Variants in BNC2 observed in about 807,000 individuals in gnomAD.
BNC2 encodes zinc finger protein basonuclin-2.
Under a neutral mutation model 76.3 loss-of-function variants are expected in BNC2, and 20 were observed. The ratio of observed to expected loss-of-function variants is 0.26; its 90% confidence interval spans 0.18 to 0.38. The LOEUF (loss-of-function observed/expected upper bound fraction) is 0.38. BNC2 is among the 10% of genes least tolerant of loss of function. The pLI is 1.00. For missense variants in BNC2, 1,382 were observed against 1,399.8 expected, an observed-to-expected ratio of 0.99 and a Z score of 0.20; for synonymous variants, 582 against 514.8, an observed-to-expected ratio of 1.13 and a Z score of -1.77.
intron 5 of BNC2, among the ~76,000 whole-genome samples, chr9:16,530,118 T>C (rs1817930436): frequency 6.6e-6 from 1 of 152,032 alleles, no homozygotes; most frequent in South Asian, 2.1e-4. Flanking sequence ...CCTCCCAAAG[T>C]GCATGAGCCA....
chr9:16,567,224 T>C (rs1241186385), intron 4 of BNC2, among the ~76,000 whole-genome samples: 1 of 150,664 alleles, frequency 6.6e-6, no homozygotes, highest in African/African-American at 2.5e-5. Flanking sequence ...AGAATTGCCA[T>C]AAGGACAACA....
At chr9:16,685,038 C>G (rs1025145127) in intron 3 of BNC2, among the ~76,000 whole-genome samples, 4 of 152,176 alleles carry the variant, frequency 2.6e-5, no homozygotes, top group Non-Finnish European at 4.4e-5. Flanking sequence ...TGCTGTTCTC[C>G]TGAGCCGGGA....
intron 5 of BNC2, among the ~76,000 whole-genome samples, chr9:16,491,607 GA>G (rs1822282203): frequency 6.6e-6 from 1 of 152,144 alleles, no homozygotes; most frequent in African/African-American, 2.4e-5. Context: ...AGAAAACAGT[GA>G]ATTTAGTTTG....
intron 3 of BNC2, among the ~76,000 whole-genome samples, chr9:16,657,563 A>G (rs148357677): frequency 6.6e-6 from 1 of 152,130 alleles, no homozygotes; most frequent in Non-Finnish European, 1.5e-5. Context: ...GGAAGTTGAG[A>G]GAAAGGGACT....
intron 3 of BNC2, among the ~76,000 whole-genome samples, chr9:16,684,175 C>A (rs1032156345): frequency 6.6e-5 from 10 of 152,106 alleles, no homozygotes; most frequent in African/African-American, 2.4e-4. Flanking sequence ...AGATTTCCAA[C>A]AATCACCCAT....
intron 5 of BNC2, among the ~76,000 whole-genome samples, chr9:16,459,231 C>T (rs1413907803): frequency 6.6e-6 from 1 of 152,184 alleles, no homozygotes; most frequent in Non-Finnish European, 1.5e-5. Context: ...ATCACGTTCT[C>T]CTATAGCATG....
intron 1 of BNC2, among the ~76,000 whole-genome samples, chr9:16,820,122 C>CAAAAAAAAA (rs11387388): frequency 4.9e-5 from 4 of 81,788 alleles, no homozygotes; most frequent in Non-Finnish European, 8.5e-5. Flanking sequence ...GAGACTGTCT[C>CAAAAAAAAA]AAAAAAAAAA....
rs765171685 is a variant in BNC2 at position 16,727,892 on chromosome 9, T to G, written c.235A>C (p.Met79Leu). The change falls in exon 3 of 7, where the codon ATG (methionine) becomes CTG (leucine). Residue 79 changes from methionine (M) to leucine (L), a missense_variant. Transcript: ENST00000380672. The part of the protein sequence containing the change: ...TLRDSCTDNS[M>L]QFGTRTTTAE... ...GTAGTCGTTCTGGTTCCGAACTGCA[T>G]GGAGTTGTCAGTACAGGAGTCTCTT... is the stretch of plus-strand genomic sequence containing the variant. The G allele has an allele frequency of 6.2e-7, 1 of 1,614,186 alleles. No individual in the cohort carries two copies.
At chr9:16,509,669 CA>C (rs1449662694) in intron 5 of BNC2, among the ~76,000 whole-genome samples, 2 of 152,246 alleles carry the variant, frequency 1.3e-5, no homozygotes, top group East Asian at 3.9e-4. Flanking sequence ...AGTTCCATAC[CA>C]AAGTATAAGG....
At chr9:16,486,711 TG>T (rs1398714616) in intron 5 of BNC2, among the ~76,000 whole-genome samples, 1 of 152,124 alleles carries the variant, frequency 6.6e-6, no homozygotes, top group Non-Finnish European at 1.5e-5. Context: ...TGTAGCAATT[TG>T]GGAGATTCAC....
chr9:16,835,852 C>A (rs1265403280), intron 1 of BNC2, among the ~76,000 whole-genome samples: 2 of 152,158 alleles, frequency 1.3e-5, no homozygotes, highest in Admixed American at 6.5e-5. Flanking sequence ...GAAGAATTGG[C>A]GTCTAAAGTT....
In BNC2 at chr9:16,416,378, C is replaced by T. The variant is rs566590828; in HGVS notation, c.*2611G>A. On this transcript the variant is annotated 3_prime_UTR_variant, in exon 7 of 7. Coordinates refer to ENST00000380672, the MANE Select transcript of BNC2 (RefSeq NM_017637.6). The stretch of plus-strand genomic sequence containing the variant: ...ATTTGGTAATGGGGCAACAGCACAA[C>T]ACAGAGAACGCTGAGAGGACCAAAA... 2 of 152,698 alleles carry T rather than the reference C, an allele frequency of 1.3e-5. No homozygotes were observed. Among genetic ancestry groups the T allele is most frequent in the African/African-American group, 4.8e-5 (2 of 41,560 alleles). 9.5% of individuals were successfully genotyped at this position (152,698 alleles called of 1,614,324 possible).
At chr9:16,510,550 T>C (rs1458414803) in intron 5 of BNC2, among the ~76,000 whole-genome samples, 1 of 152,238 alleles carries the variant, frequency 6.6e-6, no homozygotes, top group East Asian at 1.9e-4. Flanking sequence ...AGCTACATGC[T>C]GTATATATTT....
At chr9:16,546,447 C>T (rs371081886) in intron 5 of BNC2, among the ~76,000 whole-genome samples, 1 of 152,124 alleles carries the variant, frequency 6.6e-6, no homozygotes, top group African/African-American at 2.4e-5. Flanking sequence ...CATGGTATAG[C>T]TGAAATCTTA....
At chr9:16,678,264 TTTC>T (rs1822714285) in intron 3 of BNC2, among the ~76,000 whole-genome samples, 7 of 135,836 alleles carry the variant, frequency 5.2e-5, no homozygotes, top group Admixed American at 3.1e-4. Flanking sequence ...TTTCTTTCTT[TTTC>T]TTTTTTTTTT....
chr9:16,420,179 C>G (rs1284442938), intron 6 of BNC2, among the ~76,000 whole-genome samples: 1 of 151,994 alleles, frequency 6.6e-6, no homozygotes, highest in Non-Finnish European at 1.5e-5. Flanking sequence ...TTAGATATAA[C>G]TTCAAAAAAT....
intron 3 of BNC2, among the ~76,000 whole-genome samples, chr9:16,678,416 C>A (rs187956917): frequency 3.0e-4 from 46 of 151,110 alleles, no homozygotes; most frequent in African/African-American, 1.1e-3. Flanking sequence ...TACAGGCACA[C>A]GCCACCATGC....
At chr9:16,516,232 GGTTT>G (rs1168725457) in intron 5 of BNC2, among the ~76,000 whole-genome samples, 6 of 151,966 alleles carry the variant, frequency 3.9e-5, no homozygotes, top group African/African-American at 7.3e-5. Context: ...TGTTGTTCTT[GGTTT>G]GTTTGTTTTT....
intron 3 of BNC2, among the ~76,000 whole-genome samples, chr9:16,587,145 T>C (rs954018433): frequency 1.3e-5 from 2 of 151,294 alleles, no homozygotes; most frequent in Non-Finnish European, 2.9e-5. Context: ...AATCAACTAG[T>C]AAAGTCACAG....
Sources: gnomAD v4.1 joint callset for allele counts (sites outside exome capture counted in the v4.1 genomes callset) on GRCh38, gnomAD v4.1.1 for gene constraint, MANE v1.5 for transcripts, NCBI Gene and HGNC (gene_info 2026-07-23, HGNC 2026-07-21) for gene names.